ROCK2: variants seen among roughly 807,000 people sequenced by gnomAD.
ROCK2 encodes the protein rho-associated protein kinase 2.
ROCK2 carries 61 observed loss-of-function variants against 195.1 expected under a neutral mutation model. The observed-to-expected ratio is 0.31, with a 90% confidence interval of 0.25 to 0.39. ROCK2 has a LOEUF of 0.39. Ranked by LOEUF, ROCK2 falls within the 10% of genes least tolerant of loss-of-function variation. The pLI, the probability that ROCK2 is intolerant of heterozygous loss-of-function variation, is 1.00. For synonymous variants in ROCK2, 504 were observed against 545.5 expected, an observed-to-expected ratio of 0.92 and a Z score of 1.06; for missense variants, 1,109 against 1,637.4, an observed-to-expected ratio of 0.68 and a Z score of 5.57.
intron 5 of ROCK2, among the ~76,000 whole-genome samples, chr2:11,228,815 T>A (rs531117343): frequency 1.3e-5 from 2 of 151,998 alleles, no homozygotes; most frequent in South Asian, 4.2e-4. Context: ...GAAAAATTAC[T>A]TAGCATTCAA....
intron 3 of ROCK2, among the ~76,000 whole-genome samples, chr2:11,263,233 G>A (rs1434049040): frequency 1.3e-5 from 2 of 152,216 alleles, no homozygotes; most frequent in African/African-American, 4.8e-5. Flanking sequence ...TTAAAAGCCA[G>A]TGGATGCCCA....
chr2:11,323,479 C>A (rs1232165331), intron 1 of ROCK2, among the ~76,000 whole-genome samples: 1 of 152,132 alleles, frequency 6.6e-6, no homozygotes, highest in Non-Finnish European at 1.5e-5. Flanking sequence ...TACTATTAGA[C>A]ATATATGCTA....
chr2:11,254,877 A>AAGAT (rs1162193988), intron 3 of ROCK2, among the ~76,000 whole-genome samples: 1 of 152,006 alleles, frequency 6.6e-6, no homozygotes, highest in Non-Finnish European at 1.5e-5. Context: ...TAAACCCTAA[A>AAGAT]AGATCCAAAG....
intron 1 of ROCK2, among the ~76,000 whole-genome samples, chr2:11,336,524 T>C (rs1389097731): frequency 6.6e-6 from 1 of 151,864 alleles, no homozygotes; most frequent in Non-Finnish European, 1.5e-5. Flanking sequence ...GCACTGGTAT[T>C]ACAGGCATGA....
At chr2:11,343,805 A>C (rs1168825721) in intron 1 of ROCK2, among the ~76,000 whole-genome samples, 191 bp downstream of exon 1, 1 of 152,114 alleles carries the variant, frequency 6.6e-6, no homozygotes, top group African/African-American at 2.4e-5. Flanking sequence ...AGAGGGAGGA[A>C]TCAAAGGCGG....
At chr2:11,340,189 G>A (rs138105192) in intron 1 of ROCK2, among the ~76,000 whole-genome samples, 1 of 152,216 alleles carries the variant, frequency 6.6e-6, no homozygotes, top group East Asian at 1.9e-4. Context: ...TACATATACT[G>A]TGTACTCCCA....
chr2:11,196,477 T>C (rs1020694842), intron 27 of ROCK2, among the ~76,000 whole-genome samples: 30 of 152,344 alleles, frequency 2.0e-4, no homozygotes, highest in African/African-American at 7.0e-4. Context: ...TTCTCGCAAG[T>C]TGGCATCTAT....
intron 18 of ROCK2, among the ~76,000 whole-genome samples, chr2:11,208,879 C>T (rs1390404868): frequency 1.3e-5 from 2 of 152,184 alleles, no homozygotes; most frequent in African/African-American, 4.8e-5. Flanking sequence ...AGGCATGAGC[C>T]ACTGCACCTG....
At chr2:11,294,165 A>C (rs985339880) in intron 1 of ROCK2, among the ~76,000 whole-genome samples, 1 of 152,172 alleles carries the variant, frequency 6.6e-6, no homozygotes, top group Non-Finnish European at 1.5e-5. Flanking sequence ...CTCAAAAAAA[A>C]ATTTAAAAAA....
At chr2:11,271,328 C>T (rs1311720428) in intron 3 of ROCK2, among the ~76,000 whole-genome samples, 1 of 152,134 alleles carries the variant, frequency 6.6e-6, no homozygotes, top group Non-Finnish European at 1.5e-5. Context: ...GGGGGCTCAC[C>T]TATAACTGGG....
chr2:11,281,938 A>G (rs573034853), intron 3 of ROCK2, among the ~76,000 whole-genome samples: 1 of 152,312 alleles, frequency 6.6e-6, no homozygotes, highest in Admixed American at 6.5e-5. Flanking sequence ...ATATAGACCA[A>G]GTTGGTCTAT....
intron 1 of ROCK2, among the ~76,000 whole-genome samples, chr2:11,331,499 G>A (rs1183690994): frequency 6.6e-6 from 1 of 151,958 alleles, no homozygotes; most frequent in African/African-American, 2.4e-5. Context: ...TCAACAAAAG[G>A]GAAAGAAATA....
chr2:11,296,004 A>AGAG (rs1667514504), intron 1 of ROCK2, among the ~76,000 whole-genome samples: 2 of 32,818 alleles, frequency 6.1e-5, no homozygotes, highest in African/African-American at 2.1e-4. Context: ...AGAGAGAGAG[A>AGAG]GGAGAGAGAG....
Position 11,235,337 on chromosome 2 carries a change from G to C in ROCK2, c.723+365C>G, listed in dbSNP as rs191287493. 1.6e-4 allele frequency among the ~76,000 whole-genome samples: 25 copies of C among 152,260 alleles called. No homozygotes were observed. Among genetic ancestry groups the C allele is most frequent in the Admixed American group, 9.8e-4 (15 of 15,292 alleles). On this transcript the variant is annotated intron_variant, in intron 5 of 32. Coordinates refer to ENST00000315872, the MANE Select transcript of ROCK2 (RefSeq NM_004850.5). This position sits in a 1 kb window ranked among gnomAD's most constrained non-coding sequence, Gnocchi z 4.2. Reference sequence around the variant, plus strand: ...ACCTCCTCTTAAAGAAAAAAATGCAGAAGTAACAATGGTGGTGAAAATACC... The same window carrying C: ...ACCTCCTCTTAAAGAAAAAAATGCACAAGTAACAATGGTGGTGAAAATACC...
At chr2:11,212,492 C>T (rs1042984768) in intron 17 of ROCK2, among the ~76,000 whole-genome samples, 1 of 151,992 alleles carries the variant, frequency 6.6e-6, no homozygotes, top group Admixed American at 6.6e-5. Flanking sequence ...GCATTGCCGA[C>T]CTTGTACTTA....
chr2:11,268,960 T>C (rs1666524959), intron 3 of ROCK2, among the ~76,000 whole-genome samples: 1 of 152,210 alleles, frequency 6.6e-6, no homozygotes, highest in Non-Finnish European at 1.5e-5. Flanking sequence ...ATCTGTTTTC[T>C]TTGTTCCTCA....
intron 9 of ROCK2, among the ~76,000 whole-genome samples, chr2:11,220,463 A>G (rs1664598380): frequency 1.3e-5 from 2 of 152,036 alleles, no homozygotes; most frequent in Non-Finnish European, 2.9e-5. Flanking sequence ...CATATTTTCT[A>G]ATCTTACATC....
intron 4 of ROCK2, among the ~76,000 whole-genome samples, chr2:11,246,928 A>G (rs1168335662): frequency 6.6e-6 from 1 of 152,246 alleles, no homozygotes; most frequent in South Asian, 2.1e-4. Flanking sequence ...AGCATTATTC[A>G]TTATAGTCAA....
At chr2:11,270,649 G>C (rs1180134039) in intron 3 of ROCK2, among the ~76,000 whole-genome samples, 1 of 152,108 alleles carries the variant, frequency 6.6e-6, no homozygotes, top group African/African-American at 2.4e-5. Context: ...GTCTATCAAA[G>C]GCACTTTTCA....
Sources: allele counts gnomAD v4.1 joint callset (sites outside exome capture counted in the v4.1 genomes callset), GRCh38; gene constraint gnomAD v4.1.1; non-coding constraint Gnocchi (gnomAD v3.1); transcripts MANE v1.5; gene names NCBI Gene and HGNC (gene_info 2026-07-23, HGNC 2026-07-21).